Variants in EYA2 observed in about 807,000 individuals in gnomAD.
The protein encoded by EYA2 is protein phosphatase EYA2.
EYA2 carries 31 observed loss-of-function variants against 69.2 expected under a neutral mutation model. The observed-to-expected ratio is 0.45, with a 90% CI of 0.34 to 0.60. EYA2 has a LOEUF of 0.60. EYA2 is among the 20% of genes least tolerant of loss of function. EYA2 has a pLI of 0.02. For missense variants in EYA2, 622 were observed against 701.2 expected, an observed-to-expected ratio of 0.89 and a Z score of 1.28; for synonymous variants, 257 against 279.4, an observed-to-expected ratio of 0.92 and a Z score of 0.80.
chr20:47,031,039 C>T (rs1426241420), intron 5 of EYA2, among the ~76,000 whole-genome samples: 1 of 152,162 alleles, frequency 6.6e-6, no homozygotes, highest in African/African-American at 2.4e-5. Flanking sequence ...TTCAACATAA[C>T]GAATCTGGGG....
chr20:47,166,128 G>A (rs947697082), intron 10 of EYA2, among the ~76,000 whole-genome samples: 3 of 151,916 alleles, frequency 2.0e-5, no homozygotes, highest in African/African-American at 2.4e-5. Context: ...GGCCAGGCAC[G>A]GTGGCTCATG....
At chr20:47,119,658 G>A (rs1266312546) in intron 9 of EYA2, among the ~76,000 whole-genome samples, 1 of 152,212 alleles carries the variant, frequency 6.6e-6, no homozygotes, top group Non-Finnish European at 1.5e-5. Flanking sequence ...ACTGGGGGTA[G>A]TGGGGAATGG....
At chr20:46,957,354 C>T (rs1979190634) in intron 1 of EYA2, among the ~76,000 whole-genome samples, 1 of 152,152 alleles carries the variant, frequency 6.6e-6, no homozygotes, top group South Asian at 2.1e-4. Context: ...AATAAGATAT[C>T]AGGAAGATGT....
intron 9 of EYA2, among the ~76,000 whole-genome samples, chr20:47,139,970 G>T (rs1192370746): frequency 6.6e-6 from 1 of 152,156 alleles, no homozygotes; most frequent in Non-Finnish European, 1.5e-5. Flanking sequence ...ACTCTTCACA[G>T]AGAAGTCATT....
At chr20:47,013,451 C>A (rs142199744) in intron 4 of EYA2, among the ~76,000 whole-genome samples, 2 of 152,008 alleles carry the variant, frequency 1.3e-5, no homozygotes, top group African/African-American at 4.8e-5. Flanking sequence ...ATGTAGGTAC[C>A]CTTAGAGGCA....
intron 5 of EYA2, among the ~76,000 whole-genome samples, chr20:47,059,649 C>T (rs1337182387): frequency 6.6e-6 from 1 of 152,194 alleles, no homozygotes; most frequent in Non-Finnish European, 1.5e-5. Flanking sequence ...GTACCTGGCC[C>T]ATAATTTCTA....
At chr20:47,186,256 G>A (rs73313781) in intron 15 of EYA2, among the ~76,000 whole-genome samples, 3,537 of 151,776 alleles carry the variant, frequency 0.023, 126 homozygotes, top group African/African-American at 0.077. Flanking sequence ...GTCTGCCCCT[G>A]GCATCTTTAT....
intron 1 of EYA2, among the ~76,000 whole-genome samples, chr20:46,970,215 A>C (rs903464515): frequency 1.3e-5 from 2 of 152,204 alleles, no homozygotes; most frequent in Admixed American, 6.5e-5. Flanking sequence ...TCCAGAGCGA[A>C]TGTGAATTCA....
intron 8 of EYA2, among the ~76,000 whole-genome samples, chr20:47,090,678 G>A (rs1279799457): frequency 6.6e-6 from 1 of 152,082 alleles, no homozygotes; most frequent in African/African-American, 2.4e-5. Flanking sequence ...TCTGACAAAA[G>A]CAGCTAAAAT....
intron 5 of EYA2, among the ~76,000 whole-genome samples, chr20:47,069,759 AAAT>A (rs1337249091): frequency 1.3e-5 from 2 of 152,134 alleles, no homozygotes; most frequent in Non-Finnish European, 2.9e-5. Context: ...AAATTTTAAA[AAAT>A]AATAAAATCA....
chr20:47,136,431 C>G (rs2033475395), intron 9 of EYA2, among the ~76,000 whole-genome samples: 1 of 152,114 alleles, frequency 6.6e-6, no homozygotes, highest in Non-Finnish European at 1.5e-5. Flanking sequence ...GATCTTTGGG[C>G]CGCCTACGTG....
intron 10 of EYA2, among the ~76,000 whole-genome samples, chr20:47,164,938 A>G (rs879530375): frequency 1.3e-5 from 2 of 152,196 alleles, no homozygotes; most frequent in Non-Finnish European, 2.9e-5. Context: ...AACTGAACTT[A>G]TCAACACAGT....
intron 10 of EYA2, among the ~76,000 whole-genome samples, chr20:47,144,656 C>T (rs2033666078): frequency 6.6e-6 from 1 of 152,180 alleles, no homozygotes; most frequent in South Asian, 2.1e-4. Context: ...CTATGTAAGC[C>T]TCTTGGGCCT....
intron 9 of EYA2, among the ~76,000 whole-genome samples, chr20:47,121,943 A>C (rs1036392954): frequency 6.6e-6 from 1 of 152,184 alleles, no homozygotes; most frequent in Non-Finnish European, 1.5e-5. Context: ...TCGGCCAGAC[A>C]TCACACTGAG....
At chr20:47,024,505 A>G (rs1983966672) in intron 5 of EYA2, among the ~76,000 whole-genome samples, 1 of 152,216 alleles carries the variant, frequency 6.6e-6, no homozygotes, top group African/African-American at 2.4e-5. Flanking sequence ...CCTTACACCC[A>G]TGTGCTCATC....
chr20:46,983,201 GGTTTTT>G (rs536653847), intron 1 of EYA2, among the ~76,000 whole-genome samples: 3 of 152,174 alleles, frequency 2.0e-5, no homozygotes, highest in South Asian at 4.1e-4. Context: ...AATCTCGTGA[GGTTTTT>G]GTTTTTGTTT....
chr20:47,142,631 C>T (rs1023410749), intron 9 of EYA2, among the ~76,000 whole-genome samples: 4 of 152,194 alleles, frequency 2.6e-5, no homozygotes, highest in African/African-American at 9.7e-5. Flanking sequence ...GAGAGAGAGA[C>T]TCAACATCCC....
At chr20:46,995,874 C>T (rs1158136785) in intron 2 of EYA2, among the ~76,000 whole-genome samples, 2 of 152,200 alleles carry the variant, frequency 1.3e-5, no homozygotes, top group East Asian at 3.8e-4. Flanking sequence ...GAGCACTTAA[C>T]CATTTGCCAG....
chr20:47,094,049 C>G (rs1016669030), intron 8 of EYA2, among the ~76,000 whole-genome samples: 1 of 152,210 alleles, frequency 6.6e-6, no homozygotes, highest in Non-Finnish European at 1.5e-5. Flanking sequence ...TAAGGACGCA[C>G]CCTGGTCTGC....
Sources: allele counts gnomAD v4.1 joint callset (sites outside exome capture counted in the v4.1 genomes callset), GRCh38; gene constraint gnomAD v4.1.1; transcripts MANE v1.5; gene names NCBI Gene and HGNC (gene_info 2026-07-23, HGNC 2026-07-21).